The following C19orf25 variants were observed in gnomAD, a reference collection of about 807,000 sequenced individuals.
C19orf25 encodes UPF0449 protein C19orf25.
In C19orf25, 1 loss-of-function variant was observed where a neutral mutation model predicts 3.1. The ratio of observed to expected loss-of-function variants is 0.32; its 90% CI spans 0.12 to 1.54. C19orf25 has a LOEUF of 1.54. Ranked by LOEUF, C19orf25 falls within the 40% of genes most tolerant of loss-of-function variation. The probability of loss-of-function intolerance (pLI) is 0.38; values close to 1 mark genes in which losing one functional copy is unlikely to be tolerated. For synonymous variants in C19orf25, 91 were observed against 74.3 expected, an observed-to-expected ratio of 1.23 and a Z score of -1.16; for missense variants, 196 against 160.4, an observed-to-expected ratio of 1.22 and a Z score of -1.20.
chr19:1,476,162 C>T (rs1022204948), intron 2 of C19orf25: 39 of 398,680 alleles, frequency 9.8e-5, no homozygotes, highest in African/African-American at 7.0e-4. Context: ...GAAGCAGCAC[C>T]GACTTCAGGG....
intron 2 of C19orf25, among the ~76,000 whole-genome samples, chr19:1,477,462 A>G (rs1474787244): frequency 1.3e-5 from 2 of 152,270 alleles, no homozygotes; most frequent in Non-Finnish European, 2.9e-5. Context: ...AGCCTCATCC[A>G]GAACACAAAA....
Position 1,475,184 on chromosome 19 carries a change from A to G in C19orf25, c.205T>C (p.Tyr69His), listed in dbSNP as rs1440813078. ...GEQLYQQSRA[Y>H]VAANQRLQQA... is the part of the protein sequence containing the mutation. ...TGCAGCCGCTGGTTGGCAGCCACGTAGGCCCGGCTTTGCTGGTAGAGCTGC... is the reference window on the plus strand; with the variant it reads ...TGCAGCCGCTGGTTGGCAGCCACGTGGGCCCGGCTTTGCTGGTAGAGCTGC... Residue 69 changes from tyrosine to histidine, a missense_variant, in exon 3 of 3, where the codon TAC becomes CAC. By Grantham distance (83) the Tyr-to-His change is moderately conservative (BLOSUM62 2). Transcript: ENST00000585675. The G allele has an allele frequency of 6.4e-7, 1 of 1,572,504 alleles. No individual in the cohort carries two copies. The highest frequency in any genetic ancestry group is 8.6e-7 in the Non-Finnish European group (1 of 1,160,126).
At chr19:1,476,330 G>C (rs2084205374) in intron 2 of C19orf25, 1 of 398,698 alleles carries the variant, frequency 2.5e-6, no homozygotes, top group Non-Finnish European at 4.4e-6. Flanking sequence ...GCCGGGCAGT[G>C]CCTGGATGAA....
chr19:1,479,045 C>T, intron 1 of C19orf25, 118 bp downstream of exon 1: 3 of 1,160,286 alleles, frequency 2.6e-6, no homozygotes, highest in South Asian at 1.7e-5. Context: ...CCCCTCTGAG[C>T]TCGCCCCAGG....
At chr19:1,477,190 C>T (rs1249404021) in intron 2 of C19orf25, among the ~76,000 whole-genome samples, 5 of 152,002 alleles carry the variant, frequency 3.3e-5, no homozygotes, top group Non-Finnish European at 5.9e-5. Context: ...TCAGTAGAGA[C>T]GGGGTTTCAC....
At chr19:1,477,055 A>G (rs1599178215) in intron 2 of C19orf25, among the ~76,000 whole-genome samples, 1 of 150,650 alleles carries the variant, frequency 6.6e-6, no homozygotes, top group East Asian at 2.0e-4. Context: ...GCTGGAGTAC[A>G]GTGGCACGAT....
At chr19:1,478,722 C>G in intron 2 of C19orf25, 52 bp downstream of exon 2, 8 of 1,535,744 alleles carry the variant, frequency 5.2e-6, no homozygotes, top group Non-Finnish European at 7.0e-6. Flanking sequence ...CTCCCGTCCC[C>G]TTGCTGCCGG....
chr19:1,475,362 G>C (rs1340726077), intron 2 of C19orf25, 104 bp from the exon 3 acceptor site: 2 of 1,188,100 alleles, frequency 1.7e-6, no homozygotes, highest in South Asian at 1.6e-5. Flanking sequence ...GTCCCCGAGT[G>C]AGCTTGCCAG....
In C19orf25 at chr19:1,479,118, G is replaced by A. The variant is rs1599180944; in HGVS notation, c.-3+45C>T. On this transcript the variant is annotated intron_variant, in intron 1 of 2. Transcript: ENST00000585675. Reference sequence around the variant, plus strand: ...GGCTTCAGGGTCTGGCTCAACCTCTGCCTCAGTTTCCCCGCGGTCACCCCA... The same window carrying A: ...GGCTTCAGGGTCTGGCTCAACCTCTACCTCAGTTTCCCCGCGGTCACCCCA... 9.9e-6 allele frequency: 13 copies of A among 1,319,438 alleles called. 1 individual carries two copies. The African/African-American group carries it at 1.1e-4, about 11-fold the overall frequency. The allele number at this position is 1,319,438 out of a possible 1,614,324, so 81.7% of individuals were successfully genotyped here.
chr19:1,476,440 G>A (rs2084206456), intron 2 of C19orf25: 2 of 396,082 alleles, frequency 5.0e-6, no homozygotes, highest in Non-Finnish European at 8.9e-6. Context: ...AGCCCATGAA[G>A]CTCAAACCAC....
At chr19:1,475,539 A>C in intron 2 of C19orf25, 4 of 396,246 alleles carry the variant, frequency 1.0e-5, no homozygotes, top group East Asian at 4.2e-5. Flanking sequence ...AAATACAAAA[A>C]TTAGCTGGGC....
chr19:1,474,084 G>C lies in C19orf25; in HGVS notation c.*948C>G, dbSNP rs1599174298. On this transcript the variant is annotated 3_prime_UTR_variant, in exon 3 of 3. Coordinates refer to ENST00000585675, the MANE Select transcript of C19orf25 (RefSeq NM_152482.3). ...ATGCAGTGCCCGGCAGGACTGAGCA[G>C]GGTTCCCGGGGTCGCCGGTACCCAT... 1 of 152,268 alleles carries C rather than the reference G, an allele frequency of 6.6e-6. No homozygotes were observed. Among genetic ancestry groups the C allele is most frequent in the South Asian group, 2.1e-4 (1 of 4,832 alleles). 9.4% of individuals were successfully genotyped at this position (152,268 alleles called of 1,614,324 possible). A position where few individuals can be genotyped will look rare whatever the true frequency, so the allele number is the denominator to read the frequency against.
Position 1,474,915 on chromosome 19 carries a change from G to T in C19orf25, c.*117C>A, listed in dbSNP as rs2084187485. ...CCCCAGCATCAGGAGGGGCGCCTGT[G>T]TCAACACCCACGTGGGCTGGGACCC... On this transcript the variant is annotated 3_prime_UTR_variant, in exon 3 of 3. Transcript: ENST00000585675. 9 of 1,525,218 alleles carry T rather than the reference G, an allele frequency of 5.9e-6. No homozygotes were observed. In the East Asian group the frequency reaches 2.2e-4, roughly 38 times the overall value. The allele number at this position is 1,525,218 out of a possible 1,614,324, so 94.5% of individuals were successfully genotyped here.
In C19orf25 at chr19:1,479,145, T is replaced by C. The variant is rs2084238469; in HGVS notation, c.-3+18A>G. 3 of 1,292,206 alleles carry C rather than the reference T, an allele frequency of 2.3e-6. No individual in the cohort carries two copies. Among genetic ancestry groups the C allele is most frequent in the Admixed American group, 8.3e-5 (2 of 24,012 alleles). 80.0% of individuals were successfully genotyped at this position (1,292,206 alleles called of 1,614,324 possible). On this transcript the variant is annotated intron_variant, in intron 1 of 2. Coordinates refer to ENST00000585675, the MANE Select transcript of C19orf25 (RefSeq NM_152482.3). ...CTCAGTTTCCCCGCGGTCACCCCAG[T>C]CGCCGGCCTCTTCCCACCTGGGCGC...
Position 1,475,060 on chromosome 19 carries a change from G to A in C19orf25, c.329C>T (p.Pro110Leu), listed in dbSNP as rs751826521. Residue 110 changes from proline to leucine, a missense_variant, in exon 3 of 3, where the codon CCG (proline) becomes CTG (leucine). Coordinates refer to ENST00000585675, the MANE Select transcript of C19orf25 (RefSeq NM_152482.3). Reference protein sequence around the residue: ...EVAQMKQAALPAAEAASSG With the variant: ...EVAQMKQAALLAAEAASSG ...GCCTGAGGAGGCAGCCTCGGCTGCC[G>A]GTAATGCTGCCTGCTTCATCTGGGC... 4.4e-5 allele frequency: 71 copies of A among 1,600,362 alleles called. No individual in the cohort carries two copies. The highest frequency in any genetic ancestry group is 1.7e-4 in the Middle Eastern group (1 of 6,050).
intron 2 of C19orf25, among the ~76,000 whole-genome samples, chr19:1,477,269 T>C (rs2084214761): frequency 6.6e-6 from 1 of 152,210 alleles, no homozygotes; most frequent in Admixed American, 6.5e-5. Flanking sequence ...CCCAAAGTGC[T>C]GGGATTACAG....
chr19:1,477,194 G>C (rs1199774650), intron 2 of C19orf25, among the ~76,000 whole-genome samples: 1 of 151,978 alleles, frequency 6.6e-6, no homozygotes, highest in East Asian at 1.9e-4. Context: ...TAGAGACGGG[G>C]TTTCACCATG....
At chr19:1,478,417 G>A in intron 2 of C19orf25, 1 of 254,624 alleles carries the variant, frequency 3.9e-6, no homozygotes, top group Non-Finnish European at 6.7e-6. Flanking sequence ...ACTCTGTTTT[G>A]TTTTTGTTTT....
At position 1,478,499 on chromosome 19, in the gene C19orf25, C is replaced by T. The variant is rs1431488073; in HGVS notation, c.130+275G>A. Reference sequence around the variant, plus strand: ...ATGTTGGCCAGGCTGGTCTCGAACTCCTGGGCTCAAGCGATCCTCCCGCCT... The same window carrying T: ...ATGTTGGCCAGGCTGGTCTCGAACTTCTGGGCTCAAGCGATCCTCCCGCCT... On this transcript the variant is annotated intron_variant, in intron 2 of 2. Transcript: ENST00000585675. 5 of 1,010,102 alleles carry T rather than the reference C, an allele frequency of 5.0e-6. No individual in the cohort carries two copies. The African/African-American group carries it at 5.1e-5, about 10-fold the overall frequency. The allele number at this position is 1,010,102 out of a possible 1,614,324, so 62.6% of individuals were successfully genotyped here.
Sources: gnomAD v4.1 joint callset for allele counts (sites outside exome capture counted in the v4.1 genomes callset) on GRCh38, gnomAD v4.1.1 for gene constraint, MANE v1.5 for transcripts, NCBI Gene and HGNC (gene_info 2026-07-23, HGNC 2026-07-21) for gene names.